The following KIF2A variants were observed in gnomAD, a reference collection of about 807,000 sequenced individuals.
KIF2A encodes the protein kinesin family member 2A.
Under a neutral mutation model 100.2 loss-of-function variants are expected in KIF2A, and 22 were observed. The ratio of observed to expected loss-of-function variants is 0.22; its 90% confidence interval spans 0.16 to 0.31. The LOEUF (loss-of-function observed/expected upper bound fraction) is 0.31. Among genes scored for constraint, KIF2A ranks in the 10% least tolerant of loss-of-function variants. The pLI, the probability that KIF2A is intolerant of heterozygous loss-of-function variation, is 1.00. For missense variants in KIF2A, 495 were observed against 898.7 expected (o/e 0.55, Z 5.74); for synonymous variants, 268 against 285.9 (o/e 0.94, Z 0.63).
chr5:62,373,265 A>G (rs1488750768), intron 17 of KIF2A, among the ~76,000 whole-genome samples: 1 of 151,954 alleles, frequency 6.6e-6, no homozygotes, highest in Non-Finnish European at 1.5e-5. Flanking sequence ...GTTTTGTTTC[A>G]GCAGTGATCC....
At position 62,390,145 on chromosome 5, in the gene KIF2A, C is replaced by T. The variant is rs1252482228; in HGVS notation, c.*4576C>T. Among the ~76,000 whole-genome samples the T allele has an allele frequency of 1.3e-5, 2 of 152,170 alleles. No individual in the cohort carries two copies. Among genetic ancestry groups the T allele is most frequent in the Non-Finnish European group, 2.9e-5 (2 of 68,010 alleles). ...CTCATTTTTTATTCAGCCTCTAGAA[C>T]ATGGAAGCTTTAAAAGTGAATTGGC... is the stretch of plus-strand genomic sequence containing the variant. On this transcript the variant is annotated 3_prime_UTR_variant, in exon 21 of 21. Coordinates refer to ENST00000407818, the MANE Select transcript of KIF2A (RefSeq NM_001098511.3).
chr5:62,323,646 T>C (rs1201484419), intron 1 of KIF2A, among the ~76,000 whole-genome samples: 3 of 152,224 alleles, frequency 2.0e-5, no homozygotes, highest in East Asian at 3.8e-4. Context: ...CCAGTTGTGA[T>C]AGAAGTGGCA....
chr5:62,349,696 T>C (rs75698864), intron 3 of KIF2A, among the ~76,000 whole-genome samples: 7,427 of 152,244 alleles, frequency 0.049, 575 homozygotes, highest in African/African-American at 0.17. Context: ...AATTACCCCC[T>C]ATTATTCAGA....
In KIF2A at chr5:62,389,398, T is replaced by A. The variant is rs1232734977; in HGVS notation, c.*3829T>A. 6.8e-6 allele frequency among the ~76,000 whole-genome samples: 1 copy of A among 146,604 alleles called. No individual in the cohort carries two copies. Among genetic ancestry groups the A allele is most frequent in the Non-Finnish European group, 1.5e-5 (1 of 67,384 alleles). On this transcript the variant is annotated 3_prime_UTR_variant, in exon 21 of 21. Coordinates refer to ENST00000407818, the MANE Select transcript of KIF2A (RefSeq NM_001098511.3). ...CTACTCGGGTGGTTGAGGCAGGAGA[T>A]TTGCCTGAACCCAGGAGGCGGAGGT...
At chr5:62,339,147 ATG>A (rs1489573435) in intron 1 of KIF2A, among the ~76,000 whole-genome samples, 5 of 152,212 alleles carry the variant, frequency 3.3e-5, no homozygotes, top group Non-Finnish European at 7.3e-5. Flanking sequence ...AGGAAGCATG[ATG>A]CTGGCATCTG....
intron 1 of KIF2A, among the ~76,000 whole-genome samples, chr5:62,322,334 C>T (rs1013727369): frequency 3.9e-5 from 6 of 152,094 alleles, no homozygotes; most frequent in Admixed American, 6.6e-5. Flanking sequence ...GTTGTCTTTT[C>T]CCTTTATTGA....
intron 11 of KIF2A, 82 bp downstream of exon 11, chr5:62,361,611 T>A (rs936655244): frequency 2.5e-5 from 20 of 790,614 alleles, no homozygotes; most frequent in Non-Finnish European, 3.9e-5. Flanking sequence ...TTTAAAATAT[T>A]GTTCAGCAAC....
intron 15 of KIF2A, among the ~76,000 whole-genome samples, chr5:62,365,591 T>TC (rs1370601181): frequency 6.6e-6 from 1 of 152,176 alleles, no homozygotes; most frequent in Admixed American, 6.5e-5. Context: ...TTTTTCTTTT[T>TC]CTTTTTCTCT....
intron 1 of KIF2A, among the ~76,000 whole-genome samples, chr5:62,331,799 G>A (rs971159580): frequency 2.7e-5 from 4 of 150,678 alleles, no homozygotes; most frequent in Admixed American, 2.6e-4. Context: ...GTAATCCTAG[G>A]TATGTCAGAA....
At chr5:62,324,112 C>A (rs1484850247) in intron 1 of KIF2A, among the ~76,000 whole-genome samples, 1 of 152,078 alleles carries the variant, frequency 6.6e-6, no homozygotes, top group East Asian at 1.9e-4. Context: ...ATCTCATTTA[C>A]AGTAGCCACC....
intron 20 of KIF2A, among the ~76,000 whole-genome samples, chr5:62,383,534 C>A (rs780127845): frequency 2.0e-5 from 3 of 151,654 alleles, no homozygotes; most frequent in Non-Finnish European, 2.9e-5. Context: ...TGAGCCACCA[C>A]GCCCGGCCTG....
intron 18 of KIF2A, 63 bp downstream of exon 18, chr5:62,373,900 C>G: frequency 3.1e-6 from 4 of 1,293,534 alleles, no homozygotes; most frequent in Non-Finnish European, 4.4e-6. Context: ...CAGAACTTAA[C>G]TGAAAACTAT....
Position 62,390,794 on chromosome 5 carries a change from G to A in KIF2A, c.*5225G>A, listed in dbSNP as rs115925120. ...ACTCTCCCAGGTAGCACCTTATACCGCTTAAAAGCCTTTAAAATCTCCAAT... is the reference window on the plus strand; with the variant it reads ...ACTCTCCCAGGTAGCACCTTATACCACTTAAAAGCCTTTAAAATCTCCAAT... On this transcript the variant is annotated 3_prime_UTR_variant, in exon 21 of 21. Transcript: ENST00000407818. 6.0e-4 allele frequency: 710 copies of A among 1,176,542 alleles called. 6 individuals are homozygous for A. In the African/African-American group the frequency reaches 9.6e-3, roughly 16 times the overall value. The allele number at this position is 1,176,542 out of a possible 1,614,324, so 72.9% of individuals were successfully genotyped here.
At chr5:62,352,257 G>A (rs1455177518) in intron 4 of KIF2A, among the ~76,000 whole-genome samples, 7 of 150,958 alleles carry the variant, frequency 4.6e-5, no homozygotes, top group Non-Finnish European at 1.0e-4. Flanking sequence ...TATATATTTT[G>A]TTTTCACATA....
rs555277714 is a variant in KIF2A at position 62,354,168 on chromosome 5, T to C, written c.558+793T>C. Among the ~76,000 whole-genome samples the C allele has an allele frequency of 1.5e-4, 23 of 152,296 alleles. No homozygotes were observed. In the South Asian group the frequency reaches 4.8e-3, roughly 32 times the overall value. ...GAATGAATCAGCTTTTATCTGAAAG[T>C]GACCTGAGAATGACCAGTTGGGTTT... On this transcript the variant is annotated intron_variant, in intron 6 of 20. Transcript: ENST00000407818.
chr5:62,378,632 GT>G (rs1189483809), intron 19 of KIF2A, among the ~76,000 whole-genome samples: 1 of 152,092 alleles, frequency 6.6e-6, no homozygotes. Context: ...AACTATTAGA[GT>G]TTGGCCAGGC....
At chr5:62,326,616 C>T (rs913523961) in intron 1 of KIF2A, among the ~76,000 whole-genome samples, 1 of 152,008 alleles carries the variant, frequency 6.6e-6, no homozygotes, top group Non-Finnish European at 1.5e-5. Flanking sequence ...TCAGTGGTCT[C>T]TCTGTGCTGC....
chr5:62,321,452 G>A (rs1348280934), intron 1 of KIF2A, among the ~76,000 whole-genome samples: 4 of 152,006 alleles, frequency 2.6e-5, no homozygotes, highest in Non-Finnish European at 5.9e-5. Context: ...TATTATAGCC[G>A]TCCTGGTGGG....
At chr5:62,370,544 G>A (rs535549717) in intron 16 of KIF2A, among the ~76,000 whole-genome samples, 3 of 152,134 alleles carry the variant, frequency 2.0e-5, no homozygotes, top group East Asian at 1.9e-4. Context: ...TGATCTGCCC[G>A]CCTCAGCCTC....
Sources: allele counts gnomAD v4.1 joint callset (sites outside exome capture counted in the v4.1 genomes callset), GRCh38; gene constraint gnomAD v4.1.1; transcripts MANE v1.5; gene names NCBI Gene and HGNC (gene_info 2026-07-23, HGNC 2026-07-21).